Variants in TNFAIP8 observed in about 807,000 individuals in gnomAD.
The protein encoded by TNFAIP8 is tumor necrosis factor alpha-induced protein 8.
A neutral mutation model predicts 13.3 loss-of-function variants in TNFAIP8; 7 were observed. The ratio of observed to expected loss-of-function variants is 0.52; its 90% CI spans 0.30 to 0.99. The LOEUF is 0.99. Among genes scored for constraint, TNFAIP8 ranks in the 50% least tolerant of loss-of-function variants. The pLI is 0.07. For missense variants in TNFAIP8, 258 were observed against 236.9 expected, an observed-to-expected ratio of 1.09 and a Z score of -0.58; for synonymous variants, 94 against 87.6, an observed-to-expected ratio of 1.07 and a Z score of -0.41.
intron 1 of TNFAIP8, among the ~76,000 whole-genome samples, chr5:119,286,033 C>T (rs942532811): frequency 2.0e-5 from 3 of 151,988 alleles, no homozygotes; most frequent in Non-Finnish European, 1.5e-5. Context: ...AAAAGTTTAA[C>T]TTTTTATTTT....
At chr5:119,291,729 AGTC>A (rs1420612913) in intron 1 of TNFAIP8, among the ~76,000 whole-genome samples, 17 of 152,262 alleles carry the variant, frequency 1.1e-4, no homozygotes, top group African/African-American at 3.9e-4. Flanking sequence ...TGAATGGAAT[AGTC>A]ATTCATTGTC....
chr5:119,296,521 G>T (rs986786990), intron 1 of TNFAIP8, among the ~76,000 whole-genome samples: 1 of 151,952 alleles, frequency 6.6e-6, no homozygotes, highest in Non-Finnish European at 1.5e-5. Context: ...TGTTGGATTT[G>T]GTTTGCCAGT....
intron 1 of TNFAIP8, among the ~76,000 whole-genome samples, chr5:119,383,493 G>A (rs1328132376): frequency 6.6e-6 from 1 of 152,114 alleles, no homozygotes; most frequent in African/African-American, 2.4e-5. Context: ...GGGAACAAAG[G>A]TCATAGCCCG....
At chr5:119,287,359 A>G (rs1581571629) in intron 1 of TNFAIP8, among the ~76,000 whole-genome samples, 1 of 141,658 alleles carries the variant, frequency 7.1e-6, no homozygotes, top group East Asian at 2.3e-4. Flanking sequence ...TATATATTCA[A>G]GGGGTAGAAT....
At chr5:119,335,216 T>G (rs1307687023) in intron 1 of TNFAIP8, among the ~76,000 whole-genome samples, 2 of 152,156 alleles carry the variant, frequency 1.3e-5, no homozygotes, top group African/African-American at 2.4e-5. Flanking sequence ...CTTTTCCCAA[T>G]TCAGGATAAA....
chr5:119,295,970 T>C (rs1749162426), intron 1 of TNFAIP8, among the ~76,000 whole-genome samples: 1 of 151,096 alleles, frequency 6.6e-6, no homozygotes, highest in East Asian at 1.9e-4. Context: ...TTTTGTACAT[T>C]GATTTTGTAT....
intron 1 of TNFAIP8, among the ~76,000 whole-genome samples, chr5:119,289,178 T>C (rs1294515751): frequency 6.6e-6 from 1 of 152,376 alleles, no homozygotes; most frequent in African/African-American, 2.4e-5. Flanking sequence ...ACTATACTTA[T>C]TGTATACAAT....
chr5:119,269,992 C>G (rs1449046616), intron 1 of TNFAIP8, among the ~76,000 whole-genome samples: 1 of 152,274 alleles, frequency 6.6e-6, no homozygotes, highest in Admixed American at 6.5e-5. Context: ...TTTATTCTTG[C>G]TACTTTCTTG....
intron 1 of TNFAIP8, among the ~76,000 whole-genome samples, chr5:119,298,092 T>G (rs1286980067): frequency 3.3e-5 from 5 of 152,254 alleles, no homozygotes; most frequent in Admixed American, 6.5e-5. Flanking sequence ...AATTGGAGCA[T>G]TTAGTCCATT....
At chr5:119,299,105 C>G (rs896386200) in intron 1 of TNFAIP8, among the ~76,000 whole-genome samples, 3 of 152,228 alleles carry the variant, frequency 2.0e-5, no homozygotes, top group African/African-American at 7.2e-5. Context: ...CTTCTCTCAA[C>G]TCATCAAAGT....
chr5:119,307,841 A>G lies in TNFAIP8; in HGVS notation c.1+38934A>G, dbSNP rs565872096. On this transcript the variant is annotated intron_variant, in intron 1 of 1. Transcript: ENST00000274456. ...ATTTAATAGTGAGAATGTAGTTTTA[A>G]TTGTTTTCCCATTGGAGCAATCTTG... Among the ~76,000 whole-genome samples, 7 of 152,300 alleles carry G rather than the reference A, an allele frequency of 4.6e-5. No homozygotes were observed. In the East Asian group the frequency reaches 1.2e-3, roughly 25 times the overall value.
In TNFAIP8 at chr5:119,395,972, A is replaced by T. The variant is rs564247348; in HGVS notation, c.*2591A>T. The T allele has an allele frequency of 5.4e-4, 82 of 152,302 alleles. No homozygotes were observed. The highest frequency in any genetic ancestry group is 1.8e-3 in the African/African-American group (75 of 41,560). The allele number at this position is 152,302 out of a possible 1,614,324, so 9.4% of individuals were successfully genotyped here. A position where few individuals can be genotyped will look rare whatever the true frequency, so the allele number is the denominator to read the frequency against. On this transcript the variant is annotated 3_prime_UTR_variant, in exon 2 of 2. Coordinates refer to ENST00000504771, the MANE Select transcript of TNFAIP8 (RefSeq NM_014350.4). ...GAGTGGATATGATAAGTGGATGATA[A>T]TACTAATGGACAACTAACGCAGAGT...
At chr5:119,379,124 G>A (rs116392472) in intron 1 of TNFAIP8, among the ~76,000 whole-genome samples, 1,968 of 152,244 alleles carry the variant, frequency 0.013, 47 homozygotes, top group African/African-American at 0.044. Flanking sequence ...GTTTATTCAT[G>A]GAGTACAGAT....
intron 1 of TNFAIP8, among the ~76,000 whole-genome samples, chr5:119,316,665 T>C (rs548811878): frequency 6.6e-6 from 1 of 152,332 alleles, no homozygotes; most frequent in East Asian, 1.9e-4. Flanking sequence ...GCCTCAGGCC[T>C]ACTCCAGACT....
At chr5:119,387,581 T>A (rs1752729582) in intron 1 of TNFAIP8, among the ~76,000 whole-genome samples, 1 of 152,226 alleles carries the variant, frequency 6.6e-6, no homozygotes, top group East Asian at 1.9e-4. Context: ...TTTTGTTAAT[T>A]TTCATAAAAC....
In TNFAIP8 at chr5:119,385,566, A is replaced by G. The variant is rs76989730; in HGVS notation, c.32-7250A>G. ...TTTTAACTAGCAGAGTCCTCGTAGTACTAAATCTATTGCTAACAAGAAAGT... is the reference window on the plus strand; with the variant it reads ...TTTTAACTAGCAGAGTCCTCGTAGTGCTAAATCTATTGCTAACAAGAAAGT... On this transcript the variant is annotated intron_variant, in intron 1 of 1. Coordinates refer to ENST00000504771, the MANE Select transcript of TNFAIP8 (RefSeq NM_014350.4). Among the ~76,000 whole-genome samples, 807 of 152,316 alleles carry G rather than the reference A, an allele frequency of 5.3e-3. 23 individuals carry two copies. The highest frequency in any genetic ancestry group is 0.03 in the East Asian group (158 of 5,184).
intron 1 of TNFAIP8, among the ~76,000 whole-genome samples, chr5:119,360,544 T>C (rs7729690): frequency 2.0e-5 from 3 of 152,168 alleles, no homozygotes; most frequent in Non-Finnish European, 4.4e-5. Flanking sequence ...ACACATAGAA[T>C]CACCATGATT....
chr5:119,360,471 T>A (rs1022538718), intron 1 of TNFAIP8, among the ~76,000 whole-genome samples: 2 of 152,202 alleles, frequency 1.3e-5, no homozygotes, highest in African/African-American at 4.8e-5. Flanking sequence ...ATATCTTTAA[T>A]GTTTAAGGAA....
Position 119,282,120 on chromosome 5 carries a change from G to C in TNFAIP8, c.1+13213G>C, listed in dbSNP as rs184424355. Among the ~76,000 whole-genome samples, 42 of 152,296 alleles carry C rather than the reference G, an allele frequency of 2.8e-4. 1 individual carries two copies. Among genetic ancestry groups the C allele is most frequent in the Admixed American group, 6.5e-4 (10 of 15,298 alleles). On this transcript the variant is annotated intron_variant, in intron 1 of 1. Transcript: ENST00000274456. ...CAGTCAACAGAGTATGAGCATTCCA[G>C]TACTGTAACTAGTGAGCTGTTATGT...
Sources: gnomAD v4.1 joint callset for allele counts (sites outside exome capture counted in the v4.1 genomes callset) on GRCh38, gnomAD v4.1.1 for gene constraint, MANE v1.5 for transcripts, NCBI Gene and HGNC (gene_info 2026-07-23, HGNC 2026-07-21) for gene names.